CDH12: variants seen among roughly 807,000 people sequenced by gnomAD.
CDH12 encodes cadherin 12, also known as cadherin-12.
Under a neutral mutation model 74.1 loss-of-function variants are expected in CDH12, and 41 were observed. That is an observed-to-expected ratio of 0.55 (90% CI 0.43 to 0.72). The LOEUF (loss-of-function observed/expected upper bound fraction) is 0.72, where lower values mean the gene tolerates loss of function less well. CDH12 is among the 30% of genes least tolerant of loss of function. CDH12 has a pLI of 0.00. For synonymous variants in CDH12, 399 were observed against 355.0 expected (o/e 1.12, Z -1.39); for missense variants, 945 against 977.2 (o/e 0.97, Z 0.44).
chr5:22,796,286 T>C (rs935750706), intron 1 of CDH12, among the ~76,000 whole-genome samples: 1 of 152,168 alleles, frequency 6.6e-6, no homozygotes, highest in Non-Finnish European at 1.5e-5. Context: ...CCATAATGGC[T>C]TTACTAATTT....
At chr5:22,705,026 A>G (rs1014960823) in intron 1 of CDH12, among the ~76,000 whole-genome samples, 1 of 151,738 alleles carries the variant, frequency 6.6e-6, no homozygotes, top group African/African-American at 2.4e-5. Flanking sequence ...GAATATATAT[A>G]TGCATATATA....
chr5:22,187,502 A>G (rs1463391908), intron 4 of CDH12, among the ~76,000 whole-genome samples: 1 of 151,170 alleles, frequency 6.6e-6, no homozygotes, highest in Non-Finnish European at 1.5e-5. Flanking sequence ...AAACTGGTGA[A>G]TGCTAGCAGA....
chr5:22,472,025 C>G (rs906502469), intron 2 of CDH12, among the ~76,000 whole-genome samples: 2 of 151,842 alleles, frequency 1.3e-5, no homozygotes, highest in Admixed American at 1.3e-4. Context: ...GAGGAGACAC[C>G]CAGGGTAAGG....
At chr5:22,650,791 T>A (rs768449188) in intron 1 of CDH12, among the ~76,000 whole-genome samples, 4 of 151,888 alleles carry the variant, frequency 2.6e-5, no homozygotes, top group Non-Finnish European at 4.4e-5. Flanking sequence ...CAGAAACTAC[T>A]AAGAAGGGAA....
chr5:22,740,978 G>A (rs755876292), intron 1 of CDH12, among the ~76,000 whole-genome samples: 1 of 152,100 alleles, frequency 6.6e-6, no homozygotes, highest in Admixed American at 6.6e-5. Context: ...AACAATAGGG[G>A]ATTTCAAGTG....
chr5:22,696,962 A>G (rs1742403369), intron 1 of CDH12, among the ~76,000 whole-genome samples: 1 of 152,162 alleles, frequency 6.6e-6, no homozygotes, highest in Admixed American at 6.5e-5. Context: ...AAAAAAAAAA[A>G]ATCTTAAAAA....
At chr5:22,200,246 A>C (rs1750851405) in intron 4 of CDH12, among the ~76,000 whole-genome samples, 1 of 152,206 alleles carries the variant, frequency 6.6e-6, no homozygotes, top group South Asian at 2.1e-4. Flanking sequence ...TATCAAGTAC[A>C]ACATAGCCAA....
chr5:21,880,475 C>T (rs202060568), intron 6 of CDH12, among the ~76,000 whole-genome samples: 22 of 18,552 alleles, frequency 1.2e-3, no homozygotes, highest in South Asian at 9.3e-3. Context: ...TCTTTCCTTC[C>T]TTCCTTCCTT....
At chr5:21,776,407 C>A (rs376483842) in intron 11 of CDH12, among the ~76,000 whole-genome samples, 6 of 152,152 alleles carry the variant, frequency 3.9e-5, no homozygotes, top group Non-Finnish European at 1.5e-5. Context: ...TAACTAATAC[C>A]TCATACATAA....
chr5:22,656,032 A>C (rs268971), intron 1 of CDH12, among the ~76,000 whole-genome samples: 90,670 of 151,934 alleles, frequency 0.6, 27,749 homozygotes, highest in East Asian at 0.88. Flanking sequence ...CAATCAAAGT[A>C]AAATTTATTT....
intron 1 of CDH12, among the ~76,000 whole-genome samples, chr5:22,654,786 A>G (rs1452731056): frequency 6.6e-6 from 1 of 151,170 alleles, no homozygotes; most frequent in Non-Finnish European, 1.5e-5. Context: ...ATGCACCACC[A>G]AGCTGGGCTA....
At chr5:22,675,485 C>T (rs1226128366) in intron 1 of CDH12, among the ~76,000 whole-genome samples, 3 of 152,166 alleles carry the variant, frequency 2.0e-5, no homozygotes, top group African/African-American at 4.8e-5. Context: ...GCTTTTGATT[C>T]TACAGGCTCA....
intron 9 of CDH12, among the ~76,000 whole-genome samples, chr5:21,814,486 T>C (rs548500226): frequency 9.9e-5 from 15 of 151,792 alleles, no homozygotes; most frequent in African/African-American, 3.6e-4. Context: ...AAACCACGCC[T>C]TTTTCAACTG....
intron 1 of CDH12, among the ~76,000 whole-genome samples, chr5:22,741,688 G>A (rs944307223): frequency 6.6e-6 from 1 of 152,136 alleles, no homozygotes; most frequent in Non-Finnish European, 1.5e-5. Context: ...TAGGAGCAAT[G>A]ACAATTTTCT....
At chr5:21,782,137 G>T (rs374711673) in intron 11 of CDH12, among the ~76,000 whole-genome samples, 27 of 152,224 alleles carry the variant, frequency 1.8e-4, no homozygotes, top group African/African-American at 7.2e-5. Flanking sequence ...CCAGAACACT[G>T]GGAGGTATGG....
intron 5 of CDH12, among the ~76,000 whole-genome samples, chr5:21,990,243 T>C (rs1757688947): frequency 6.6e-6 from 1 of 152,178 alleles, no homozygotes; most frequent in Non-Finnish European, 1.5e-5. Flanking sequence ...AAGGAATGAA[T>C]GCATGCACAT....
At chr5:21,780,395 T>C (rs1178862015) in intron 11 of CDH12, among the ~76,000 whole-genome samples, 1 of 152,190 alleles carries the variant, frequency 6.6e-6, no homozygotes, top group East Asian at 1.9e-4. Context: ...CTTATCGTTA[T>C]GAGTGTCTTC....
At chr5:22,540,220 CAT>C (rs775417673) in intron 1 of CDH12, among the ~76,000 whole-genome samples, 33 of 151,726 alleles carry the variant, frequency 2.2e-4, no homozygotes, top group African/African-American at 5.8e-4. Context: ...ATGTCAGATA[CAT>C]ATATATATGC....
intron 1 of CDH12, among the ~76,000 whole-genome samples, chr5:22,773,586 T>C (rs181255889): frequency 1.2e-3 from 183 of 152,158 alleles, no homozygotes; most frequent in African/African-American, 4.3e-3. Context: ...CACATTGGCT[T>C]TTGCAAAAAC....
Sources: allele counts gnomAD v4.1 joint callset (sites outside exome capture counted in the v4.1 genomes callset), GRCh38; gene constraint gnomAD v4.1.1; transcripts MANE v1.5; gene names NCBI Gene and HGNC (gene_info 2026-07-23, HGNC 2026-07-21).